ENOX1: variants seen among roughly 807,000 people sequenced by gnomAD.
The protein encoded by ENOX1 is candidate growth-related and time keeping constitutive hydroquinone (NADH) oxidase.
Under a neutral mutation model 82.5 loss-of-function variants are expected in ENOX1, and 42 were observed. That is an observed-to-expected ratio of 0.51 (90% CI 0.40 to 0.66). The LOEUF is 0.66. Among genes scored for constraint, ENOX1 ranks in the 30% least tolerant of loss-of-function variants. The pLI is 0.00. For synonymous variants in ENOX1, 271 were observed against 282.2 expected, an observed-to-expected ratio of 0.96 and a Z score of 0.40; for missense variants, 608 against 811.6, an observed-to-expected ratio of 0.75 and a Z score of 3.05.
At chr13:43,631,086 A>T (rs1177474936) in intron 2 of ENOX1, among the ~76,000 whole-genome samples, 1 of 152,190 alleles carries the variant, frequency 6.6e-6, no homozygotes, top group Non-Finnish European at 1.5e-5. Context: ...TGCAATAATA[A>T]TATTCTGCCT....
chr13:43,630,672 T>C (rs986037528), intron 2 of ENOX1, among the ~76,000 whole-genome samples: 4 of 151,740 alleles, frequency 2.6e-5, no homozygotes, highest in African/African-American at 7.3e-5. Context: ...AAAAAAGATA[T>C]GTAAATACTT....
intron 9 of ENOX1, among the ~76,000 whole-genome samples, chr13:43,329,239 C>T (rs541834497): frequency 6.6e-6 from 1 of 152,102 alleles, no homozygotes; most frequent in Non-Finnish European, 1.5e-5. Context: ...TATGCTAACT[C>T]TGATTGGGAA....
chr13:43,732,996 C>T (rs550570717), intron 1 of ENOX1, among the ~76,000 whole-genome samples: 8 of 152,224 alleles, frequency 5.3e-5, no homozygotes, highest in African/African-American at 1.9e-4. Flanking sequence ...ACGGCCCACA[C>T]CTAACTGGCT....
At position 43,273,519 on chromosome 13, in the gene ENOX1, T is replaced by C. The variant is rs202144851; in HGVS notation, c.1447-3942A>G. Reference sequence around the variant, plus strand: ...CTCAGAATTCTGCCTGGCTTATTCCTACTCATTCTTTAAGCACCACCTCAA... The same window carrying C: ...CTCAGAATTCTGCCTGGCTTATTCCCACTCATTCTTTAAGCACCACCTCAA... On this transcript the variant is annotated intron_variant, in intron 12 of 16. Coordinates refer to ENST00000690772, the MANE Select transcript of ENOX1 (RefSeq NM_001347969.2). Among the ~76,000 whole-genome samples the C allele has an allele frequency of 2.0e-5, 3 of 152,310 alleles. No homozygotes were observed. The East Asian group carries it at 5.8e-4, about 29-fold the overall frequency.
At chr13:43,316,831 TGTTTAGA>T (rs1175506949) in intron 11 of ENOX1, among the ~76,000 whole-genome samples, 1 of 151,780 alleles carries the variant, frequency 6.6e-6, no homozygotes, top group Non-Finnish European at 1.5e-5. Context: ...AATGAAACTC[TGTTTAGA>T]GTTTAGGAAG....
In ENOX1 at chr13:43,715,530, G is replaced by C. The variant is rs543477368; in HGVS notation, c.-284-47986C>G. Among the ~76,000 whole-genome samples the C allele has an allele frequency of 3.3e-5, 5 of 152,240 alleles. No homozygotes were observed. The East Asian group carries it at 9.6e-4, about 29-fold the overall frequency. On this transcript the variant is annotated intron_variant, in intron 1 of 16. Transcript: ENST00000690772. ...TGTTGGCCTGCCTTGTTAGATTGGG[G>C]AAGTTCTCCTGGATAATATCCTGCA... is the stretch of plus-strand genomic sequence containing the variant.
At chr13:43,720,937 A>G (rs1391045636) in intron 1 of ENOX1, among the ~76,000 whole-genome samples, 1 of 152,232 alleles carries the variant, frequency 6.6e-6, no homozygotes, top group Non-Finnish European at 1.5e-5. Flanking sequence ...ATTCACAGGC[A>G]GAAAGAAGGC....
chr13:43,567,039 G>T (rs1312144157), intron 2 of ENOX1, among the ~76,000 whole-genome samples: 1 of 152,076 alleles, frequency 6.6e-6, no homozygotes, highest in Non-Finnish European at 1.5e-5. Context: ...TTCCATCCAA[G>T]AAATCAATTT....
intron 2 of ENOX1, among the ~76,000 whole-genome samples, chr13:43,525,947 A>G (rs1192210603): frequency 5.9e-5 from 9 of 152,082 alleles, no homozygotes; most frequent in African/African-American, 2.2e-4. Context: ...AATAATTTAT[A>G]TTCTTCATTT....
chr13:43,730,103 T>A (rs1473129205), intron 1 of ENOX1, among the ~76,000 whole-genome samples: 1 of 152,202 alleles, frequency 6.6e-6, no homozygotes, highest in African/African-American at 2.4e-5. Flanking sequence ...CCATGGGGGA[T>A]AGGAGCAATC....
intron 3 of ENOX1, among the ~76,000 whole-genome samples, chr13:43,454,972 G>T (rs1342255593): frequency 6.6e-6 from 1 of 151,544 alleles, no homozygotes; most frequent in Non-Finnish European, 1.5e-5. Flanking sequence ...GTTGTCCTGG[G>T]GCTTCTTTTT....
chr13:43,590,164 C>T (rs1006918995), intron 2 of ENOX1, among the ~76,000 whole-genome samples: 25 of 151,460 alleles, frequency 1.7e-4, no homozygotes, highest in Non-Finnish European at 1.5e-5. Context: ...AATAACAAAA[C>T]AGATGATTTT....
At chr13:43,319,628 G>A (rs185443222) in intron 11 of ENOX1, among the ~76,000 whole-genome samples, 31 of 152,180 alleles carry the variant, frequency 2.0e-4, no homozygotes, top group Non-Finnish European at 4.0e-4. Flanking sequence ...AGCAAAGCTG[G>A]CCCTGGGGGA....
intron 2 of ENOX1, among the ~76,000 whole-genome samples, chr13:43,623,024 T>G (rs1212532506): frequency 6.6e-6 from 1 of 151,926 alleles, no homozygotes; most frequent in Non-Finnish European, 1.5e-5. Flanking sequence ...TCATTGCAGG[T>G]TGTCACGGAA....
At chr13:43,457,080 G>A (rs1204253031) in intron 3 of ENOX1, among the ~76,000 whole-genome samples, 1 of 152,130 alleles carries the variant, frequency 6.6e-6, no homozygotes, top group Non-Finnish European at 1.5e-5. Context: ...TAATTTTAAT[G>A]AGATTTATTT....
chr13:43,465,681 CAT>C (rs1177025978), intron 3 of ENOX1, among the ~76,000 whole-genome samples: 1 of 152,156 alleles, frequency 6.6e-6, no homozygotes, highest in Non-Finnish European at 1.5e-5. Flanking sequence ...GTTATATGCA[CAT>C]GTCTATAATT....
intron 1 of ENOX1, among the ~76,000 whole-genome samples, chr13:43,727,426 C>T (rs1265817354): frequency 6.6e-6 from 1 of 152,144 alleles, no homozygotes; most frequent in Non-Finnish European, 1.5e-5. Context: ...ATGTTCTTCT[C>T]TATTTGGCTG....
At chr13:43,273,819 C>G (rs576719183) in intron 12 of ENOX1, among the ~76,000 whole-genome samples, 111 of 152,314 alleles carry the variant, frequency 7.3e-4, no homozygotes, top group African/African-American at 2.6e-3. Context: ...TCCCAAAGCA[C>G]TTAATTCAAT....
At chr13:43,534,968 T>C (rs1261841746) in intron 2 of ENOX1, among the ~76,000 whole-genome samples, 1 of 152,232 alleles carries the variant, frequency 6.6e-6, no homozygotes, top group African/African-American at 2.4e-5. Flanking sequence ...CATTACTTGA[T>C]AGTTCATTCA....
Sources: allele counts gnomAD v4.1 joint callset (sites outside exome capture counted in the v4.1 genomes callset), GRCh38; gene constraint gnomAD v4.1.1; transcripts MANE v1.5; gene names NCBI Gene and HGNC (gene_info 2026-07-23, HGNC 2026-07-21).